GRM4: variants seen among roughly 807,000 people sequenced by gnomAD.
GRM4 encodes glutamate metabotropic receptor 4.
In GRM4, 28 loss-of-function variants were observed where a neutral mutation model predicts 81.7. That is an observed-to-expected ratio of 0.34 (90% confidence interval 0.25 to 0.47). The LOEUF is 0.47. Among genes scored for constraint, GRM4 ranks in the 20% least tolerant of loss-of-function variants. GRM4 has a pLI of 1.00. For synonymous variants in GRM4, 488 were observed against 528.8 expected (o/e 0.92, Z 1.06); for missense variants, 948 against 1,290.0 (o/e 0.73, Z 4.06).
chr6:34,022,751 G>A lies in GRM4; in HGVS notation c.*70C>T. On this transcript the variant is annotated 3_prime_UTR_variant, in exon 11 of 11. Transcript: ENST00000538487. This position sits in a 1 kb window ranked among gnomAD's most constrained non-coding sequence, Gnocchi z 5.6. Reference sequence around the variant, plus strand: ...AGGCAAGACAGCTGGGCCCTTGGGTGTGGCCCTGGCCCGACGCACCTTCCA... The same window carrying A: ...AGGCAAGACAGCTGGGCCCTTGGGTATGGCCCTGGCCCGACGCACCTTCCA... The A allele has an allele frequency of 7.3e-7, 1 of 1,367,792 alleles. No individual in the cohort carries two copies. The highest frequency in any genetic ancestry group is 1.0e-6 in the Non-Finnish European group (1 of 956,510). 84.7% of individuals were successfully genotyped at this position (1,367,792 alleles called of 1,614,324 possible). A position where few individuals can be genotyped will look rare whatever the true frequency, so the allele number is the denominator to read the frequency against.
Position 34,136,943 on chromosome 6 carries a change from G to A in GRM4, c.-363-3084C>T, listed in dbSNP as rs1770483054. Among the ~76,000 whole-genome samples, 1 of 141,346 alleles carries A rather than the reference G, an allele frequency of 7.1e-6. No homozygotes were observed. The highest frequency in any genetic ancestry group is 2.5e-4 in the South Asian group (1 of 3,974). 92.7% of individuals were successfully genotyped at this position (141,346 alleles called of 152,430 possible). A position where few individuals can be genotyped will look rare whatever the true frequency, so the allele number is the denominator to read the frequency against. Reference sequence around the variant, plus strand: ...GCAGAGGCAGGGTGTGGTGGGGTGGGTTGGGGTGGGGGCCAGGCGGATGCT... The same window carrying A: ...GCAGAGGCAGGGTGTGGTGGGGTGGATTGGGGTGGGGGCCAGGCGGATGCT... On this transcript the variant is annotated intron_variant, in intron 1 of 10. Coordinates refer to ENST00000538487, the MANE Select transcript of GRM4 (RefSeq NM_000841.4). The surrounding 1 kb of genome is among the most constrained non-coding windows in gnomAD (Gnocchi z 4.1).
rs1334023312 is a variant in GRM4, at chr6:34,069,210, GCA to G, written c.737-7184_737-7183del. Among the ~76,000 whole-genome samples, 3 of 137,802 alleles carry G rather than the reference GCA, an allele frequency of 2.2e-5. No individual in the cohort carries two copies. The highest frequency in any genetic ancestry group is 4.6e-5 in the Non-Finnish European group (3 of 65,038). The allele number at this position is 137,802 out of a possible 152,430, so 90.4% of individuals were successfully genotyped here. On this transcript the variant is annotated intron_variant, in intron 3 of 10. Coordinates refer to ENST00000538487, the MANE Select transcript of GRM4 (RefSeq NM_000841.4). This position sits in a 1 kb window ranked among gnomAD's most constrained non-coding sequence, Gnocchi z 6.4. ...CACACACACACACACACACACGCAC[GCA>G]CACACGGCTCCTTCCTTCTGACTTC...
intron 3 of GRM4, among the ~76,000 whole-genome samples, chr6:34,082,324 C>T (rs1767645723): frequency 6.6e-6 from 1 of 152,122 alleles, no homozygotes; most frequent in South Asian, 2.1e-4. Flanking sequence ...GGGGGCAGAC[C>T]GCTGTGGAAG....
intron 6 of GRM4, among the ~76,000 whole-genome samples, chr6:34,049,314 C>G (rs1263363181): frequency 6.6e-6 from 1 of 152,076 alleles, no homozygotes; most frequent in Non-Finnish European, 1.5e-5. Context: ...GACAGTCACT[C>G]CCTCCTCCAG....
chr6:34,145,211 G>A (rs1770876901), intron 1 of GRM4, among the ~76,000 whole-genome samples: 1 of 151,606 alleles, frequency 6.6e-6, no homozygotes, highest in African/African-American at 2.4e-5. Context: ...GCCGCGGCGG[G>A]CAGCGCTGAC....
intron 2 of GRM4, among the ~76,000 whole-genome samples, chr6:34,104,335 A>G (rs1440027388): frequency 1.3e-5 from 2 of 152,216 alleles, no homozygotes; most frequent in Non-Finnish European, 2.9e-5. Context: ...AGGAGGCGGC[A>G]GCAGCACGAG....
rs891171224 is a variant in GRM4 at position 34,069,647 on chromosome 6, A to T, written c.737-7619T>A. On this transcript the variant is annotated intron_variant, in intron 3 of 10. Coordinates refer to ENST00000538487, the MANE Select transcript of GRM4 (RefSeq NM_000841.4). This position sits in a 1 kb window ranked among gnomAD's most constrained non-coding sequence, Gnocchi z 6.4. ...GGCTTTACAACCCTTGGCAGCCCCC[A>T]GTGTGTGTGTGTGTGTGTGTGTGTG... Among the ~76,000 whole-genome samples the T allele has an allele frequency of 7.3e-4, 106 of 144,498 alleles. 2 individuals are homozygous for T. Among genetic ancestry groups the T allele is most frequent in the African/African-American group, 4.4e-4 (18 of 40,486 alleles). The allele number at this position is 144,498 out of a possible 152,430, so 94.8% of individuals were successfully genotyped here.
intron 1 of GRM4, among the ~76,000 whole-genome samples, chr6:34,134,764 T>A (rs1454226629): frequency 1.4e-5 from 2 of 146,566 alleles, no homozygotes; most frequent in Admixed American, 1.4e-4. Context: ...GGGGCTCGGG[T>A]TATGGCCTGA....
At chr6:34,066,593 C>T (rs991682700) in intron 3 of GRM4, among the ~76,000 whole-genome samples, 1 of 151,968 alleles carries the variant, frequency 6.6e-6, no homozygotes, top group Non-Finnish European at 1.5e-5. Flanking sequence ...CACTGCCTGG[C>T]CCATAGTAGG....
Position 34,036,165 on chromosome 6 carries a change from G to A in GRM4, c.1945C>T (p.Leu649Phe), listed in dbSNP as rs775914956. 2 of 1,614,238 alleles carry A rather than the reference G, an allele frequency of 1.2e-6. No homozygotes were observed. Among genetic ancestry groups the A allele is most frequent in the Non-Finnish European group, 1.7e-6 (2 of 1,180,038 alleles). ...ATTCGGCGCAGCGAGCAGGTGCCAA[G>A]GTCGGGCTCAGCGATCATGAGGAAG... ...TTFLMIAEPD[L>F]GTCSLRRIFL... Residue 649 changes from leucine to phenylalanine, a missense_variant, in exon 9 of 11, where the codon CTT becomes TTT. Transcript: ENST00000538487. This position sits in a 1 kb window ranked among gnomAD's most constrained non-coding sequence, Gnocchi z 9.0.
At chr6:34,126,685 A>C (rs73415057) in intron 2 of GRM4, among the ~76,000 whole-genome samples, 13,036 of 152,222 alleles carry the variant, frequency 0.086, 1,078 homozygotes, top group African/African-American at 0.21. Context: ...GCTCGCAGAG[A>C]GCTCCCAAGA....
At chr6:34,132,780 T>C (rs1770295433) in intron 2 of GRM4, among the ~76,000 whole-genome samples, 198 bp downstream of exon 2, 1 of 152,202 alleles carries the variant, frequency 6.6e-6, no homozygotes, top group African/African-American at 2.4e-5. Flanking sequence ...GTGCCTGTGC[T>C]GAGACCACAA....
At chr6:34,075,461 C>A (rs1561794811) in intron 3 of GRM4, among the ~76,000 whole-genome samples, 1 of 152,208 alleles carries the variant, frequency 6.6e-6, no homozygotes, top group Non-Finnish European at 1.5e-5. Context: ...CCATCCAGCC[C>A]TAGGGCCCCA....
chr6:34,072,912 CCACACAGATACATACACACAATCACCA>C (rs1418333282), intron 3 of GRM4, among the ~76,000 whole-genome samples: 2 of 141,744 alleles, frequency 1.4e-5, no homozygotes, highest in Non-Finnish European at 3.1e-5. Flanking sequence ...ACACACATCA[CCACACAGATACATACACACAATCACCA>C]CACAGATACA....
intron 9 of GRM4, 144 bp from the exon 10 acceptor site, chr6:34,028,510 C>T: frequency 1.2e-6 from 1 of 806,006 alleles, no homozygotes; most frequent in Non-Finnish European, 1.9e-6. Context: ...GACTGCAGAC[C>T]AGGGTTTCTG....
chr6:34,020,767 A>C lies in GRM4; in HGVS notation c.*2054T>G, dbSNP rs916808478. The C allele has an allele frequency of 6.6e-6, 1 of 152,230 alleles. No individual in the cohort carries two copies. Among genetic ancestry groups the C allele is most frequent in the African/African-American group, 2.4e-5 (1 of 41,420 alleles). 9.4% of individuals were successfully genotyped at this position (152,230 alleles called of 1,614,324 possible). ...GACCCCAGGGAAGAAGAGATTTCCT[A>C]TGCACAGATGTGTGAGATGCCCAGG... On this transcript the variant is annotated 3_prime_UTR_variant, in exon 11 of 11. Coordinates refer to ENST00000538487, the MANE Select transcript of GRM4 (RefSeq NM_000841.4).
In GRM4 at chr6:34,080,489, TAGTC is replaced by T. The variant is rs1561798155; in HGVS notation, c.736+11390_736+11393del. Among the ~76,000 whole-genome samples the T allele has an allele frequency of 6.6e-6, 1 of 152,178 alleles. No individual in the cohort carries two copies. The highest frequency in any genetic ancestry group is 2.4e-5 in the African/African-American group (1 of 41,436). On this transcript the variant is annotated intron_variant, in intron 3 of 10. Transcript: ENST00000538487. The surrounding 1 kb of genome is among the most constrained non-coding windows in gnomAD (Gnocchi z 5.4). The stretch of plus-strand genomic sequence containing the variant: ...GTGTCCTGGTCCAATGCCTGGCACA[TAGTC>T]AGTGCTCAATAAATATTCATTCTGC...
At chr6:34,066,863 C>T (rs1447218998) in intron 3 of GRM4, among the ~76,000 whole-genome samples, 2 of 152,118 alleles carry the variant, frequency 1.3e-5, no homozygotes, top group African/African-American at 4.8e-5. Context: ...GCGGTCCTCA[C>T]GTGGTGCCGC....
intron 3 of GRM4, chr6:34,063,365 C>G (rs538549103): frequency 6.6e-6 from 1 of 152,474 alleles, no homozygotes; most frequent in Non-Finnish European, 1.5e-5. Flanking sequence ...GGGAGATGGC[C>G]GCCAGGGAAG....
Sources: allele counts gnomAD v4.1 joint callset (sites outside exome capture counted in the v4.1 genomes callset), GRCh38; gene constraint gnomAD v4.1.1; non-coding constraint Gnocchi (gnomAD v3.1); transcripts MANE v1.5; gene names NCBI Gene and HGNC (gene_info 2026-07-23, HGNC 2026-07-21).